Variants in TMEM131L observed in about 807,000 individuals in gnomAD.
TMEM131L encodes transmembrane 131 like.
In TMEM131L, 54 loss-of-function variants were observed where a neutral mutation model predicts 192.2. That is an observed-to-expected ratio of 0.28 (90% CI 0.23 to 0.35). TMEM131L has a LOEUF of 0.35. TMEM131L is among the 10% of genes least tolerant of loss of function. The pLI, the probability that TMEM131L is intolerant of heterozygous loss-of-function variation, is 1.00. For missense variants in TMEM131L, 1,888 were observed against 1,972.9 expected (o/e 0.96, Z 0.82); for synonymous variants, 701 against 704.9 (o/e 0.99, Z 0.09).
At chr4:153,575,635 A>G (rs929629974) in intron 7 of TMEM131L, among the ~76,000 whole-genome samples, 5 of 152,336 alleles carry the variant, frequency 3.3e-5, no homozygotes, top group South Asian at 2.1e-4. Flanking sequence ...ATGAAATAAT[A>G]TGAAATATAT....
intron 25 of TMEM131L, 36 bp from the exon 26 acceptor site, chr4:153,612,216 A>C (rs777661947): frequency 2.0e-6 from 3 of 1,468,332 alleles, no homozygotes; most frequent in Non-Finnish European, 2.7e-6. Flanking sequence ...AGTGGAAACT[A>C]TTAGCTAGAA....
At chr4:153,482,732 C>T (rs1162283248) in intron 3 of TMEM131L, among the ~76,000 whole-genome samples, 1 of 152,160 alleles carries the variant, frequency 6.6e-6, no homozygotes, top group African/African-American at 2.4e-5. Flanking sequence ...GCTGGGGCTA[C>T]AGGTACACGT....
intron 3 of TMEM131L, among the ~76,000 whole-genome samples, chr4:153,519,427 A>G (rs1304376347): frequency 6.6e-6 from 1 of 152,184 alleles, no homozygotes; most frequent in Non-Finnish European, 1.5e-5. Flanking sequence ...AAGAAGTGTT[A>G]CTCAAACTTT....
intron 3 of TMEM131L, among the ~76,000 whole-genome samples, chr4:153,486,695 C>G (rs574532360): frequency 1.3e-5 from 2 of 152,356 alleles, no homozygotes; most frequent in South Asian, 4.1e-4. Flanking sequence ...CCCCTGGCTA[C>G]TTTCTCAGAA....
chr4:153,477,644 C>CATGG (rs1426267884), intron 3 of TMEM131L, among the ~76,000 whole-genome samples: 10 of 151,986 alleles, frequency 6.6e-5, no homozygotes, highest in Non-Finnish European at 1.2e-4. Flanking sequence ...CAAGCATATA[C>CATGG]ATGGATGTAT....
chr4:153,530,215 G>C (rs1237181833), intron 3 of TMEM131L, among the ~76,000 whole-genome samples: 1 of 152,110 alleles, frequency 6.6e-6, no homozygotes, highest in Non-Finnish European at 1.5e-5. Context: ...GTGATTATCA[G>C]GATATTCCAG....
At chr4:153,604,829 C>T (rs939750621) in intron 25 of TMEM131L, among the ~76,000 whole-genome samples, 1 of 152,018 alleles carries the variant, frequency 6.6e-6, no homozygotes, top group Non-Finnish European at 1.5e-5. Flanking sequence ...CTCAGTCTCT[C>T]GAGTAGCTGG....
At chr4:153,510,907 A>G (rs1734309638) in intron 3 of TMEM131L, among the ~76,000 whole-genome samples, 2 of 151,942 alleles carry the variant, frequency 1.3e-5, no homozygotes, top group Admixed American at 6.6e-5. Context: ...ACAAGAAAAG[A>G]AAAAAACCGG....
chr4:153,602,913 G>GT (rs774811568), intron 23 of TMEM131L, among the ~76,000 whole-genome samples, 186 bp downstream of exon 23: 169 of 152,300 alleles, frequency 1.1e-3, no homozygotes, highest in Non-Finnish European at 2.1e-3. Context: ...TAAACTAATC[G>GT]TAAGAGAGTC....
At chr4:153,553,249 G>C (rs1193013173) in intron 4 of TMEM131L, among the ~76,000 whole-genome samples, 2 of 152,130 alleles carry the variant, frequency 1.3e-5, no homozygotes, top group Non-Finnish European at 2.9e-5. Flanking sequence ...CTGAGTCTGT[G>C]TGTATCGTTT....
At chr4:153,516,053 G>A (rs1280429289) in intron 3 of TMEM131L, among the ~76,000 whole-genome samples, 1 of 151,608 alleles carries the variant, frequency 6.6e-6, no homozygotes, top group African/African-American at 2.4e-5. Flanking sequence ...CCATTTTTAC[G>A]TTAGATTAAT....
At chr4:153,554,727 T>G (rs1321422728) in intron 4 of TMEM131L, among the ~76,000 whole-genome samples, 1 of 152,252 alleles carries the variant, frequency 6.6e-6, no homozygotes. Flanking sequence ...CTGAGGCTAT[T>G]AAAACTGAAG....
chr4:153,635,857 G>C (rs924861919), intron 34 of TMEM131L, among the ~76,000 whole-genome samples: 7 of 152,140 alleles, frequency 4.6e-5, no homozygotes, highest in African/African-American at 1.7e-4. Context: ...AATTGAACAT[G>C]GGCCAGCCCT....
At chr4:153,540,156 A>G (rs937055481) in intron 3 of TMEM131L, among the ~76,000 whole-genome samples, 8 of 151,098 alleles carry the variant, frequency 5.3e-5, no homozygotes, top group Admixed American at 2.0e-4. Context: ...CAAAACAAAA[A>G]ACATCTGTCA....
chr4:153,634,015 T>G (rs762225350), intron 32 of TMEM131L, among the ~76,000 whole-genome samples, 177 bp from the exon 33 acceptor site: 2 of 152,254 alleles, frequency 1.3e-5, no homozygotes, highest in Non-Finnish European at 2.9e-5. Flanking sequence ...GGCATGTCAC[T>G]AGTGATCAGC....
chr4:153,477,464 C>T (rs1441769811), intron 3 of TMEM131L, among the ~76,000 whole-genome samples: 1 of 152,086 alleles, frequency 6.6e-6, no homozygotes, highest in African/African-American at 2.4e-5. Context: ...TTTCTTTTTG[C>T]CAGTTTTTTC....
chr4:153,479,110 T>C (rs1731746891), intron 3 of TMEM131L, among the ~76,000 whole-genome samples: 1 of 152,236 alleles, frequency 6.6e-6, no homozygotes, highest in Non-Finnish European at 1.5e-5. Flanking sequence ...CTGGCAAGAC[T>C]GCCCAAGGTG....
At chr4:153,469,790 G>A (rs1182641007) in intron 2 of TMEM131L, among the ~76,000 whole-genome samples, 1 of 152,148 alleles carries the variant, frequency 6.6e-6, no homozygotes, top group Non-Finnish European at 1.5e-5. Flanking sequence ...GCCGGGCGTG[G>A]TGGTGCAGGC....
chr4:153,516,725 A>G (rs1315561603), intron 3 of TMEM131L, among the ~76,000 whole-genome samples: 1 of 152,190 alleles, frequency 6.6e-6, no homozygotes, highest in Non-Finnish European at 1.5e-5. Context: ...AGGTTGTTTC[A>G]GTTATACCCT....
Sources: allele counts gnomAD v4.1 joint callset (sites outside exome capture counted in the v4.1 genomes callset), GRCh38; gene constraint gnomAD v4.1.1; transcripts MANE v1.5; gene names NCBI Gene and HGNC (gene_info 2026-07-23, HGNC 2026-07-21).